HLCS: variants seen among roughly 807,000 people sequenced by gnomAD.
The protein encoded by HLCS is holocarboxylase synthetase.
Under a neutral mutation model 75.0 loss-of-function variants are expected in HLCS, and 53 were observed. That is an observed-to-expected ratio of 0.71 (90% CI 0.57 to 0.89). HLCS has a LOEUF of 0.89. Ranked by LOEUF, HLCS falls within the 40% of genes least tolerant of loss-of-function variation. The pLI is 0.00. For missense variants in HLCS, 966 were observed against 1,074.0 expected (o/e 0.90, Z 1.41); for synonymous variants, 431 against 428.6 (o/e 1.01, Z -0.07).
chr21:36,859,361 T>C, intron 6 of HLCS, among the ~76,000 whole-genome samples: 1 of 152,186 alleles, frequency 6.6e-6, no homozygotes, highest in East Asian at 1.9e-4. Context: ...ATTCTTCCTT[T>C]CCTGACTTGG....
At chr21:36,989,895 C>T (rs532123502) in intron 1 of HLCS, among the ~76,000 whole-genome samples, 36 of 152,160 alleles carry the variant, frequency 2.4e-4, no homozygotes, top group Non-Finnish European at 4.7e-4. Context: ...AGCCCGGGTC[C>T]CGCAGGGAAG....
chr21:36,779,643 GT>G (rs967208211), intron 6 of HLCS, among the ~76,000 whole-genome samples: 17 of 151,940 alleles, frequency 1.1e-4, no homozygotes, highest in African/African-American at 3.9e-4. Flanking sequence ...TTTGTTTACA[GT>G]TTTTTTTGCC....
chr21:36,895,743 T>C (rs2064986955), intron 6 of HLCS, among the ~76,000 whole-genome samples: 1 of 152,246 alleles, frequency 6.6e-6, no homozygotes, highest in Non-Finnish European at 1.5e-5. Context: ...CATTGAATTA[T>C]ACATCTGTCT....
At chr21:36,839,147 C>T (rs150515642) in intron 6 of HLCS, among the ~76,000 whole-genome samples, 70 of 152,320 alleles carry the variant, frequency 4.6e-4, no homozygotes, top group African/African-American at 1.6e-3. Flanking sequence ...GGATTAAACA[C>T]AGGCACTGCT....
intron 5 of HLCS, among the ~76,000 whole-genome samples, chr21:36,929,394 G>T (rs1282110676): frequency 6.6e-6 from 1 of 152,206 alleles, no homozygotes; most frequent in East Asian, 1.9e-4. Context: ...CTCCAAGTGA[G>T]CCCATCACAC....
At chr21:36,759,425 G>A (rs896482485) in intron 9 of HLCS, among the ~76,000 whole-genome samples, 3 of 152,208 alleles carry the variant, frequency 2.0e-5, no homozygotes, top group Non-Finnish European at 2.9e-5. Context: ...AGAATAGAAC[G>A]TTAAATGTTT....
chr21:36,831,336 T>C (rs911091922), intron 6 of HLCS, among the ~76,000 whole-genome samples: 1 of 152,144 alleles, frequency 6.6e-6, no homozygotes, highest in Non-Finnish European at 1.5e-5. Flanking sequence ...ATAGAAATCT[T>C]TGAGGGTAGC....
chr21:36,835,465 T>C (rs2062376758), intron 6 of HLCS, among the ~76,000 whole-genome samples: 1 of 152,242 alleles, frequency 6.6e-6, no homozygotes, highest in African/African-American at 2.4e-5. Context: ...ATAATTTCTC[T>C]AGATCACAGT....
intron 5 of HLCS, among the ~76,000 whole-genome samples, chr21:36,927,257 C>G (rs779387513): frequency 1.3e-5 from 2 of 152,238 alleles, no homozygotes; most frequent in African/African-American, 2.4e-5. Context: ...GTATCGTGCA[C>G]AGTGACACTG....
At chr21:36,839,814 A>G (rs1221203080) in intron 6 of HLCS, among the ~76,000 whole-genome samples, 3 of 152,266 alleles carry the variant, frequency 2.0e-5, no homozygotes, top group Non-Finnish European at 4.4e-5. Context: ...CAACTACATT[A>G]ACACAAGTAA....
intron 4 of HLCS, among the ~76,000 whole-genome samples, chr21:36,934,206 A>G (rs2066774776): frequency 6.6e-6 from 1 of 152,112 alleles, no homozygotes; most frequent in Non-Finnish European, 1.5e-5. Context: ...GCTTCTTGTA[A>G]AAATAAGACT....
chr21:36,916,942 G>A (rs1187125845), intron 5 of HLCS, among the ~76,000 whole-genome samples: 1 of 152,126 alleles, frequency 6.6e-6, no homozygotes, highest in African/African-American at 2.4e-5. Flanking sequence ...GGGCTTTGTG[G>A]TTTACTTAAA....
chr21:36,771,898 T>C (rs1374472567), intron 6 of HLCS, among the ~76,000 whole-genome samples: 1 of 151,628 alleles, frequency 6.6e-6, no homozygotes, highest in South Asian at 2.1e-4. Context: ...ATGTGGGAGA[T>C]TGAGGCAGGA....
At chr21:36,767,341 A>G (rs1205588256) in intron 6 of HLCS, 56 bp from the exon 7 acceptor site, 34 of 1,522,334 alleles carry the variant, frequency 2.2e-5, no homozygotes, top group Non-Finnish European at 3.0e-5. Flanking sequence ...CCGCGGCACC[A>G]ATGGCTCACA....
upstream of HLCS, among the ~76,000 whole-genome samples, chr21:36,969,380 C>T (rs115043117): frequency 3.4e-3 from 522 of 152,222 alleles, 4 homozygotes; most frequent in African/African-American, 0.012. Flanking sequence ...CTTGGAAGCT[C>T]GCAAGAAAAG....
At chr21:36,971,006 AG>A (rs368513506), upstream of HLCS, among the ~76,000 whole-genome samples, 14,298 of 78,500 alleles carry the variant, frequency 0.18, 922 homozygotes, top group African/African-American at 0.21. Flanking sequence ...AAAAAAAAAA[AG>A]AAAGAAAAGA....
intron 7 of HLCS, among the ~76,000 whole-genome samples, chr21:36,766,933 T>C (rs916252522): frequency 6.6e-6 from 1 of 152,090 alleles, no homozygotes; most frequent in African/African-American, 2.4e-5. Context: ...GATCCCCAAA[T>C]TGGAAAGCCC....
intron 6 of HLCS, among the ~76,000 whole-genome samples, chr21:36,824,305 C>T (rs185417226): frequency 9.9e-5 from 15 of 152,176 alleles, no homozygotes; most frequent in African/African-American, 2.6e-4. Flanking sequence ...ATGGATGAAG[C>T]TGGACACCAT....
At chr21:36,955,994 A>G (rs925081703) in intron 2 of HLCS, among the ~76,000 whole-genome samples, 1 of 152,204 alleles carries the variant, frequency 6.6e-6, no homozygotes, top group African/African-American at 2.4e-5. Context: ...CATAAATCCC[A>G]GGTGTAAAGT....
Sources: gnomAD v4.1 joint callset for allele counts (sites outside exome capture counted in the v4.1 genomes callset) on GRCh38, gnomAD v4.1.1 for gene constraint, MANE v1.5 for transcripts, NCBI Gene and HGNC (gene_info 2026-07-23, HGNC 2026-07-21) for gene names.